CNGB3: variants seen among roughly 807,000 people sequenced by gnomAD.
The protein encoded by CNGB3 is cyclic nucleotide-gated channel beta-3.
Under a neutral mutation model 92.8 loss-of-function variants are expected in CNGB3, and 86 were observed. That is an observed-to-expected ratio of 0.93 (90% CI 0.78 to 1.11). The LOEUF is 1.11. Among genes scored for constraint, CNGB3 ranks in the 50% least tolerant of loss-of-function variants. CNGB3 has a pLI of 0.00. For missense variants in CNGB3, 1,026 were observed against 956.8 expected (o/e 1.07, Z -0.95); for synonymous variants, 333 against 332.7 (o/e 1.00, Z -0.01).
At chr8:86,606,589 A>G (rs1020963153) in intron 14 of CNGB3, among the ~76,000 whole-genome samples, 8 of 152,240 alleles carry the variant, frequency 5.3e-5, no homozygotes, top group Non-Finnish European at 1.5e-5. Flanking sequence ...TTAAAAAATC[A>G]TTACATTATC....
chr8:86,615,106 C>T (rs994266470), intron 13 of CNGB3, among the ~76,000 whole-genome samples: 3 of 152,048 alleles, frequency 2.0e-5, no homozygotes, highest in Admixed American at 2.0e-4. Context: ...TTAAAGTATA[C>T]AGGAGGATGT....
chr8:86,576,148 A>G lies in CNGB3; in HGVS notation c.2104-18T>C. The G allele has an allele frequency of 1.9e-6, 3 of 1,600,252 alleles. 1 individual carries two copies. In the South Asian group the frequency reaches 3.3e-5, roughly 18 times the overall value. On this transcript the variant is annotated intron_variant, in intron 17 of 17. Transcript: ENST00000320005. Reference sequence around the variant, plus strand: ...TCTTTCTTCTGGAAGGAGCAATTACAAAGAACTGGTGTTGAAATCGTAATT... The same window carrying G: ...TCTTTCTTCTGGAAGGAGCAATTACGAAGAACTGGTGTTGAAATCGTAATT...
Position 86,668,154 on chromosome 8 carries a change from C to A in CNGB3, c.508G>T (p.Val170Leu), listed in dbSNP as rs766148720. The change falls in exon 5 of 18, where the codon GTA becomes TTA. Residue 170 changes from valine (V) to leucine (L), a missense_variant. Val to Leu is a conservative substitution (Grantham distance 32, BLOSUM62 1). Transcript: ENST00000320005. ...TCATCGCTTTCTTTTACTGGTGGTA[C>A]AGCCGTGGGCTTTGCTTCATAGGGA... The part of the protein sequence containing the change: ...ASPQTAKPTA[V>L]PPVKESDDKP... 6.2e-7 allele frequency: 1 copy of A among 1,611,728 alleles called. No individual in the cohort carries two copies. Among genetic ancestry groups the A allele is most frequent in the Non-Finnish European group, 8.5e-7 (1 of 1,179,538 alleles).
chr8:86,625,244 CCTT>C (rs1178554975), intron 13 of CNGB3, among the ~76,000 whole-genome samples: 1 of 152,028 alleles, frequency 6.6e-6, no homozygotes, highest in African/African-American at 2.4e-5. Flanking sequence ...TTTTTCATTC[CCTT>C]CTTCTGGAAT....
chr8:86,739,116 G>C (rs527720210), intron 2 of CNGB3, among the ~76,000 whole-genome samples: 1 of 151,966 alleles, frequency 6.6e-6, no homozygotes, highest in South Asian at 2.1e-4. Context: ...GAAAAATATT[G>C]AGTCTTAAAA....
intron 10 of CNGB3, 148 bp from the exon 11 acceptor site, chr8:86,633,041 G>T: frequency 1.4e-6 from 1 of 723,846 alleles, no homozygotes; most frequent in Non-Finnish European, 2.3e-6. Flanking sequence ...AACAGCATGT[G>T]TGCTAATGTA....
intron 6 of CNGB3, chr8:86,659,038 G>T: frequency 1.0e-6 from 1 of 973,694 alleles, no homozygotes. Flanking sequence ...TCCACTTATA[G>T]CTGCTGCTCC....
At chr8:86,614,705 C>T (rs768906770) in intron 13 of CNGB3, among the ~76,000 whole-genome samples, 2 of 152,172 alleles carry the variant, frequency 1.3e-5, no homozygotes, top group Non-Finnish European at 2.9e-5. Context: ...GCCACAACGG[C>T]ATCGGCCAAT....
chr8:86,616,257 A>C (rs1270634153), intron 13 of CNGB3, among the ~76,000 whole-genome samples: 1 of 152,184 alleles, frequency 6.6e-6, no homozygotes, highest in Admixed American at 6.5e-5. Context: ...AGCTGTATAT[A>C]GTAAAAACTT....
chr8:86,669,796 T>C (rs982609860), intron 4 of CNGB3, among the ~76,000 whole-genome samples: 1 of 152,194 alleles, frequency 6.6e-6, no homozygotes, highest in Non-Finnish European at 1.5e-5. Context: ...CCTGTATATA[T>C]ATAAATATTT....
At chr8:86,663,827 T>C (rs1823690295) in intron 6 of CNGB3, among the ~76,000 whole-genome samples, 1 of 152,254 alleles carries the variant, frequency 6.6e-6, no homozygotes, top group Non-Finnish European at 1.5e-5. Context: ...TCTATATTTG[T>C]AGCTTATGAT....
chr8:86,622,485 C>T (rs143437559), intron 13 of CNGB3, among the ~76,000 whole-genome samples: 1 of 151,600 alleles, frequency 6.6e-6, no homozygotes, highest in African/African-American at 2.4e-5. Flanking sequence ...TATGTACCTT[C>T]CCCGGCAAGA....
chr8:86,711,562 A>G (rs1457815128), intron 3 of CNGB3, among the ~76,000 whole-genome samples: 1 of 152,256 alleles, frequency 6.6e-6, no homozygotes, highest in Middle Eastern at 3.4e-3. Flanking sequence ...TCATCTCTCC[A>G]TGATAAATAG....
rs1316084093 is a variant in CNGB3 at position 86,643,738 on chromosome 8, A to T, written c.1178+13T>A. ...AATAATCAATAAAGGTTTCTTTCAA[A>T]ATCAGAACTTACTCGTTTCCTTCCC... On this transcript the variant is annotated intron_variant, in intron 10 of 17. Transcript: ENST00000320005. 2 of 1,604,202 alleles carry T rather than the reference A, an allele frequency of 1.2e-6. No individual in the cohort carries two copies. The highest frequency in any genetic ancestry group is 1.7e-6 in the Non-Finnish European group (2 of 1,173,716).
chr8:86,661,071 C>G, intron 6 of CNGB3: 2 of 229,322 alleles, frequency 8.7e-6, no homozygotes, highest in South Asian at 1.2e-4. Context: ...CTTGGTTCTT[C>G]ATTCGTTCCC....
intron 3 of CNGB3, among the ~76,000 whole-genome samples, chr8:86,702,030 CCCTGTATTCTTTTTGT>C: frequency 6.6e-6 from 1 of 152,186 alleles, no homozygotes; most frequent in South Asian, 2.1e-4. Flanking sequence ...ATATGGACAG[CCCTGTATTCTTTTTGT>C]AAATATTTTA....
intron 6 of CNGB3, chr8:86,659,883 TC>T: frequency 2.4e-6 from 1 of 423,770 alleles, no homozygotes. Flanking sequence ...TGCAGGGCCC[TC>T]CCCATTGACA....
intron 3 of CNGB3, among the ~76,000 whole-genome samples, chr8:86,701,049 A>G (rs1321243511): frequency 6.6e-6 from 1 of 152,232 alleles, no homozygotes; most frequent in East Asian, 1.9e-4. Flanking sequence ...TCCTAGCTCC[A>G]CTAAAATCCC....
intron 2 of CNGB3, among the ~76,000 whole-genome samples, chr8:86,739,367 G>T (rs866561702): frequency 1.3e-5 from 2 of 152,142 alleles, no homozygotes; most frequent in African/African-American, 4.8e-5. Context: ...TAGACTACAA[G>T]CTCTATGTAA....
Sources: allele counts gnomAD v4.1 joint callset (sites outside exome capture counted in the v4.1 genomes callset), GRCh38; gene constraint gnomAD v4.1.1; transcripts MANE v1.5; gene names NCBI Gene and HGNC (gene_info 2026-07-23, HGNC 2026-07-21).